The following RIC1 variants were observed in gnomAD, a reference collection of about 807,000 sequenced individuals.
The protein encoded by RIC1 is RIC1 partner of RAB6A GEF complex.
In RIC1, 88 loss-of-function variants were observed where a neutral mutation model predicts 169.0. The ratio of observed to expected loss-of-function variants is 0.52; its 90% CI spans 0.44 to 0.62. The LOEUF is 0.62. Ranked by LOEUF, RIC1 falls within the 20% of genes least tolerant of loss-of-function variation. RIC1 has a pLI of 0.00. For synonymous variants in RIC1, 790 were observed against 601.5 expected (o/e 1.31, Z -4.59); for missense variants, 1,877 against 1,725.5 (o/e 1.09, Z -1.56).
chr9:5,673,005 C>T (rs1313867169), intron 2 of RIC1, among the ~76,000 whole-genome samples: 3 of 152,152 alleles, frequency 2.0e-5, no homozygotes, highest in East Asian at 1.9e-4. Flanking sequence ...TAATTTATTT[C>T]GTTTAATAAG....
At position 5,658,979 on chromosome 9, in the gene RIC1, A is replaced by C. The variant is rs571375625; in HGVS notation, c.252+2289A>C. ...ATTATGTAAAATGTCATTAAGGACC[A>C]GCATTAATAGATGAAAATTTGCACT... On this transcript the variant is annotated intron_variant, in intron 2 of 25. Coordinates refer to ENST00000414202, the MANE Select transcript of RIC1 (RefSeq NM_020829.4). 3.3e-5 allele frequency among the ~76,000 whole-genome samples: 5 copies of C among 152,208 alleles called. No individual in the cohort carries two copies. The South Asian group carries it at 1.0e-3, about 32-fold the overall frequency.
At chr9:5,630,848 T>C (rs1317813999) in intron 1 of RIC1, among the ~76,000 whole-genome samples, 4 of 152,200 alleles carry the variant, frequency 2.6e-5, no homozygotes, top group African/African-American at 9.7e-5. Flanking sequence ...TATATGCCAG[T>C]TGAATAATTT....
chr9:5,740,644 G>A (rs1436612867), intron 8 of RIC1, among the ~76,000 whole-genome samples: 1 of 150,628 alleles, frequency 6.6e-6, no homozygotes, highest in Admixed American at 6.7e-5. Flanking sequence ...ATGTAGGCTG[G>A]GGGGCTAGGC....
intron 2 of RIC1, among the ~76,000 whole-genome samples, chr9:5,657,116 C>G (rs1419029613): frequency 2.0e-5 from 3 of 152,122 alleles, no homozygotes; most frequent in Non-Finnish European, 4.4e-5. Flanking sequence ...GAAGTCTTAT[C>G]TAGTTTTTTA....
At position 5,725,706 on chromosome 9, in the gene RIC1, A is replaced by G. The variant is rs547639361; in HGVS notation, c.720+4956A>G. Among the ~76,000 whole-genome samples the G allele has an allele frequency of 5.0e-4, 76 of 151,378 alleles. No individual in the cohort carries two copies. In the Middle Eastern group the frequency reaches 0.014, roughly 27 times the overall value. On this transcript the variant is annotated intron_variant, in intron 6 of 25. Transcript: ENST00000414202. ...CTGTTGTGGGCATTTAATCCTATAA[A>G]TTTCCCTCTACACACTGCTTTAAAT...
intron 3 of RIC1, among the ~76,000 whole-genome samples, chr9:5,705,010 C>T (rs1822482133): frequency 6.6e-6 from 1 of 152,132 alleles, no homozygotes; most frequent in Admixed American, 6.5e-5. Flanking sequence ...AATTCCATTC[C>T]ATTGATCTGT....
intron 15 of RIC1, among the ~76,000 whole-genome samples, chr9:5,755,869 G>A (rs548842830): frequency 6.6e-6 from 1 of 152,196 alleles, no homozygotes; most frequent in South Asian, 2.1e-4. Context: ...GGTGCAGTGA[G>A]CCGAGATCAT....
intron 21 of RIC1, 70 bp from the exon 22 acceptor site, chr9:5,768,900 T>A: frequency 6.7e-7 from 1 of 1,484,926 alleles, no homozygotes; most frequent in South Asian, 1.3e-5. Context: ...TATCAGTACC[T>A]CTGCGTAATA....
intron 3 of RIC1, among the ~76,000 whole-genome samples, chr9:5,690,664 T>C (rs1821543195): frequency 6.6e-6 from 1 of 151,548 alleles, no homozygotes; most frequent in African/African-American, 2.4e-5. Context: ...AATAGGTATA[T>C]AAGAAATTAG....
chr9:5,675,220 C>T (rs1049948096), intron 2 of RIC1, among the ~76,000 whole-genome samples: 2 of 151,730 alleles, frequency 1.3e-5, no homozygotes, highest in African/African-American at 4.8e-5. Flanking sequence ...AGTGGTTTGG[C>T]GGGAAAAATG....
chr9:5,729,720 T>C (rs1488371332), intron 6 of RIC1, among the ~76,000 whole-genome samples: 1 of 152,202 alleles, frequency 6.6e-6, no homozygotes, highest in Non-Finnish European at 1.5e-5. Flanking sequence ...TCAACTTTAA[T>C]ATTCCTATCT....
chr9:5,673,214 C>A (rs1338878689), intron 2 of RIC1, among the ~76,000 whole-genome samples: 1 of 151,858 alleles, frequency 6.6e-6, no homozygotes, highest in Non-Finnish European at 1.5e-5. Context: ...TAAAAACTTC[C>A]TATGGAAGAC....
chr9:5,699,692 T>C (rs1822106648), intron 3 of RIC1, among the ~76,000 whole-genome samples: 2 of 152,146 alleles, frequency 1.3e-5, no homozygotes, highest in African/African-American at 4.8e-5. Flanking sequence ...AAAATGTAAT[T>C]GTTGGATTTT....
rs191327159 is a variant in RIC1, at chr9:5,717,493, T to C, written c.441-2689T>C. Among the ~76,000 whole-genome samples the C allele has an allele frequency of 7.2e-5, 11 of 152,252 alleles. No individual in the cohort carries two copies. The East Asian group carries it at 2.1e-3, about 29-fold the overall frequency. ...TCTGGAATTAATGCAAGCAGAAAGC[T>C]GACCAATCCGGGAGAACAGACTTCA... On this transcript the variant is annotated intron_variant, in intron 4 of 25. Transcript: ENST00000414202.
chr9:5,686,359 A>C (rs1821224208), intron 2 of RIC1, among the ~76,000 whole-genome samples: 10 of 152,148 alleles, frequency 6.6e-5, no homozygotes. Context: ...TCACAATAGC[A>C]AAGACTTGAA....
chr9:5,654,457 G>T (rs201026319), intron 1 of RIC1, among the ~76,000 whole-genome samples: 1 of 151,794 alleles, frequency 6.6e-6, no homozygotes, highest in East Asian at 1.9e-4. Context: ...CCATGTTGGC[G>T]GGCTGGTCTC....
chr9:5,772,928 A>T lies in RIC1; in HGVS notation c.3831A>T (p.Leu1277=). Residue 1277 remains leucine (L), a synonymous_variant, in exon 25 of 26, where the codon CTA becomes CTT. Coordinates refer to ENST00000414202, the MANE Select transcript of RIC1 (RefSeq NM_020829.4). The stretch of plus-strand genomic sequence containing the variant: ...ACATTTTCATGGAGGCAGGGTGCCT[A>T]GACTGGTGCATCGTTATAGGCCTGA... The part of the protein sequence containing the change: ...LLHIFMEAGC[L]DWCIVIGLIL... 6.2e-7 allele frequency: 1 copy of T among 1,613,654 alleles called. No individual in the cohort carries two copies. Among genetic ancestry groups the T allele is most frequent in the Non-Finnish European group, 8.5e-7 (1 of 1,179,790 alleles).
intron 3 of RIC1, among the ~76,000 whole-genome samples, chr9:5,693,340 C>T (rs1387016402): frequency 6.6e-6 from 1 of 152,118 alleles, no homozygotes; most frequent in Non-Finnish European, 1.5e-5. Context: ...CCACTATGCT[C>T]CATCTGAGAA....
At chr9:5,660,232 C>T (rs1819370971) in intron 2 of RIC1, among the ~76,000 whole-genome samples, 1 of 152,164 alleles carries the variant, frequency 6.6e-6, no homozygotes, top group South Asian at 2.1e-4. Flanking sequence ...ATATGTACCA[C>T]ATTTCTTTTA....
Sources: gnomAD v4.1 joint callset for allele counts (sites outside exome capture counted in the v4.1 genomes callset) on GRCh38, gnomAD v4.1.1 for gene constraint, MANE v1.5 for transcripts, NCBI Gene and HGNC (gene_info 2026-07-23, HGNC 2026-07-21) for gene names.